Variants in HMCN1 observed in about 807,000 individuals in gnomAD.
HMCN1 encodes the protein hemicentin-1.
A neutral mutation model predicts 625.9 loss-of-function variants in HMCN1; 321 were observed. That is an observed-to-expected ratio of 0.51 (90% CI 0.47 to 0.56). The LOEUF (loss-of-function observed/expected upper bound fraction) is 0.56, where lower values mean the gene tolerates loss of function less well. Ranked by LOEUF, HMCN1 falls within the 20% of genes least tolerant of loss-of-function variation. The probability of loss-of-function intolerance (pLI) is 0.00; values close to 1 mark genes in which losing one functional copy is unlikely to be tolerated. For synonymous variants in HMCN1, 2,425 were observed against 2,417.6 expected, an observed-to-expected ratio of 1.00 and a Z score of -0.09; for missense variants, 6,588 against 6,887.3, an observed-to-expected ratio of 0.96 and a Z score of 1.54.
intron 38 of HMCN1, among the ~76,000 whole-genome samples, chr1:186,039,433 C>T (rs1055067423): frequency 2.6e-5 from 4 of 151,998 alleles, no homozygotes; most frequent in South Asian, 2.1e-4. Context: ...CACACACACA[C>T]GCCTAGAAAT....
chr1:185,825,387 A>T (rs1242812491), intron 1 of HMCN1, among the ~76,000 whole-genome samples: 1 of 152,186 alleles, frequency 6.6e-6, no homozygotes, highest in African/African-American at 2.4e-5. Context: ...ATTTTGAAAG[A>T]AGGAATGATT....
intron 57 of HMCN1, among the ~76,000 whole-genome samples, chr1:186,084,392 G>A (rs986771700): frequency 6.6e-6 from 1 of 152,072 alleles, no homozygotes; most frequent in Non-Finnish European, 1.5e-5. Flanking sequence ...TTACCAATAA[G>A]GATTGGAGTT....
rs554017352 is a variant in HMCN1 at position 185,797,693 on chromosome 1, G to A, written c.269-48333G>A. Among the ~76,000 whole-genome samples, 29 of 128,474 alleles carry A rather than the reference G, an allele frequency of 2.3e-4. No individual in the cohort carries two copies. In the South Asian group the frequency reaches 5.1e-3, roughly 23 times the overall value. The allele number at this position is 128,474 out of a possible 152,430, so 84.3% of individuals were successfully genotyped here. A position where few individuals can be genotyped will look rare whatever the true frequency, so the allele number is the denominator to read the frequency against. ...TTTATAAGACTTGTTTTGGCCGGGC[G>A]CGGTGGCTCACGCCTGTAATCCCAG... On this transcript the variant is annotated intron_variant, in intron 1 of 106. Transcript: ENST00000271588.
At chr1:186,135,160 T>C (rs574131705) in intron 86 of HMCN1, among the ~76,000 whole-genome samples, 7 of 152,310 alleles carry the variant, frequency 4.6e-5, no homozygotes, top group African/African-American at 1.7e-4. Context: ...TGTAGACCAA[T>C]ATAGACGTAA....
At chr1:185,760,220 A>G (rs553424695) in intron 1 of HMCN1, among the ~76,000 whole-genome samples, 1 of 152,298 alleles carries the variant, frequency 6.6e-6, no homozygotes, top group African/African-American at 2.4e-5. Context: ...GCCAAGTCCA[A>G]ACACCTAGAA....
chr1:185,905,269 A>C (rs1407587513), intron 4 of HMCN1, among the ~76,000 whole-genome samples: 2 of 151,180 alleles, frequency 1.3e-5, no homozygotes, highest in Non-Finnish European at 3.0e-5. Context: ...TTCTTCTTTT[A>C]TCTCTCCCTC....
chr1:186,171,375 C>A lies in HMCN1; in HGVS notation c.15613C>A (p.Arg5205Ser), dbSNP rs151210911. 1 of 1,613,468 alleles carries A rather than the reference C, an allele frequency of 6.2e-7. No homozygotes were observed. Among genetic ancestry groups the A allele is most frequent in the South Asian group, 1.1e-5 (1 of 91,068 alleles). Residue 5205 changes from arginine (R) to serine (S), a missense_variant, in exon 101 of 107, where the codon CGC (arginine) becomes AGC (serine). Around this residue, in one of 3 missense-constraint regions of HMCN1, gnomAD observed 1,954 missense variants for 2,013.1 expected, o/e 0.97. Coordinates refer to ENST00000271588, the MANE Select transcript of HMCN1 (RefSeq NM_031935.3). ...ECQESSPCHQRCFNAIGSFHC... is the reference protein window; with the variant it reads ...ECQESSPCHQSCFNAIGSFHC... ...TCAAGAATCCAGCCCCTGTCACCAG[C>A]GCTGTTTCAATGCCATAGGAAGTTT... is the stretch of plus-strand genomic sequence containing the variant.
chr1:185,905,688 T>A (rs1479676376), intron 4 of HMCN1, among the ~76,000 whole-genome samples: 1 of 151,912 alleles, frequency 6.6e-6, no homozygotes, highest in Admixed American at 6.6e-5. Context: ...TATAGTTGTA[T>A]CTTATTTTAG....
intron 55 of HMCN1, among the ~76,000 whole-genome samples, chr1:186,078,571 G>C (rs1658969099): frequency 6.6e-6 from 1 of 152,164 alleles, no homozygotes; most frequent in South Asian, 2.1e-4. Context: ...CTTTATTAAT[G>C]TCACTCTCAG....
chr1:185,973,024 ACTTT>A (rs1337781898), intron 15 of HMCN1, among the ~76,000 whole-genome samples: 1 of 152,148 alleles, frequency 6.6e-6, no homozygotes, highest in African/African-American at 2.4e-5. Flanking sequence ...TCAAATCAAA[ACTTT>A]CCCCAGAACT....
rs1269175038 is a variant in HMCN1 at position 186,145,494 on chromosome 1, C to A, written c.14358C>A (p.Asn4786Lys). ...TGCGGCGGTACCGCACATGTGATAA[C>A]CCTCCTCCCTCCAATGGGGGAAGAG... ...GQMRRYRTCD[N>K]PPPSNGGRAC... Residue 4786 changes from asparagine (N) to lysine (K), a missense_variant, in exon 92 of 107, where the codon AAC (asparagine) becomes AAA (lysine). Asn to Lys is a moderately conservative substitution (Grantham distance 94). This residue lies in a region of HMCN1 where 1,954 missense variants were observed against 2,013.1 expected (regional missense o/e 0.97). Transcript: ENST00000271588. The A allele has an allele frequency of 1.2e-6, 2 of 1,613,998 alleles. No homozygotes were observed. The highest frequency in any genetic ancestry group is 1.1e-5 in the South Asian group (1 of 91,060).
At chr1:185,902,419 C>G (rs953691671) in intron 4 of HMCN1, among the ~76,000 whole-genome samples, 2 of 135,094 alleles carry the variant, frequency 1.5e-5, no homozygotes, top group African/African-American at 3.8e-5. Flanking sequence ...ATCTATCTAT[C>G]TATCTATCTA....
chr1:185,902,077 A>C (rs1181797411), intron 4 of HMCN1, among the ~76,000 whole-genome samples: 3 of 151,798 alleles, frequency 2.0e-5, no homozygotes, highest in African/African-American at 7.2e-5. Flanking sequence ...GTAATACTTT[A>C]GCTCATAGTT....
At chr1:186,187,089 A>T (rs931746893) in intron 105 of HMCN1, among the ~76,000 whole-genome samples, 1 of 151,886 alleles carries the variant, frequency 6.6e-6, no homozygotes, top group African/African-American at 2.4e-5. Flanking sequence ...AATAAACCCC[A>T]AATTAAAGTG....
chr1:185,953,718 T>G (rs1649407139), intron 11 of HMCN1, among the ~76,000 whole-genome samples: 1 of 151,816 alleles, frequency 6.6e-6, no homozygotes, highest in African/African-American at 2.4e-5. Context: ...GACAGGGGAT[T>G]GAACTCCCAA....
chr1:185,741,117 C>T (rs1368147309), intron 1 of HMCN1, among the ~76,000 whole-genome samples: 1 of 152,186 alleles, frequency 6.6e-6, no homozygotes, highest in Non-Finnish European at 1.5e-5. Flanking sequence ...TCCCTTCCAT[C>T]ATCCACTGTG....
At chr1:186,067,181 C>T (rs1203564817) in intron 49 of HMCN1, among the ~76,000 whole-genome samples, 1 of 152,146 alleles carries the variant, frequency 6.6e-6, no homozygotes, top group Non-Finnish European at 1.5e-5. Context: ...CCCCAGTTTC[C>T]ATAATCAAGT....
chr1:186,143,679 G>C (rs755147813), intron 89 of HMCN1, among the ~76,000 whole-genome samples: 10 of 152,328 alleles, frequency 6.6e-5, no homozygotes, highest in South Asian at 2.1e-4. Context: ...TACATATGTA[G>C]ATATGAAGCT....
intron 52 of HMCN1, among the ~76,000 whole-genome samples, chr1:186,072,113 G>A (rs942066726): frequency 5.3e-5 from 8 of 152,090 alleles, no homozygotes; most frequent in Non-Finnish European, 1.2e-4. Flanking sequence ...TTTGCAATTG[G>A]TCTCCTAGAA....
Sources: gnomAD v4.1 joint callset for allele counts (sites outside exome capture counted in the v4.1 genomes callset) on GRCh38, gnomAD v4.1.1 for gene constraint, gnomAD v4.1.1 regional missense constraint, MANE v1.5 for transcripts, NCBI Gene and HGNC (gene_info 2026-07-23, HGNC 2026-07-21) for gene names.